CAPZA1: variants seen among roughly 807,000 people sequenced by gnomAD.
CAPZA1 encodes the protein F-actin-capping protein subunit alpha-1.
CAPZA1 carries 10 observed loss-of-function variants against 40.8 expected under a neutral mutation model. The ratio of observed to expected loss-of-function variants is 0.25; its 90% confidence interval spans 0.15 to 0.42. The LOEUF is 0.42. CAPZA1 is among the 10% of genes least tolerant of loss of function. CAPZA1 has a pLI of 1.00. For missense variants in CAPZA1, 277 were observed against 353.8 expected (o/e 0.78, Z 1.74); for synonymous variants, 98 against 115.0 (o/e 0.85, Z 0.95).
intron 2 of CAPZA1, among the ~76,000 whole-genome samples, chr1:112,648,369 T>TG (rs1671322862): frequency 7.6e-6 from 1 of 132,328 alleles, no homozygotes; most frequent in African/African-American, 2.9e-5. Context: ...TTTTTTTTTT[T>TG]GACGGAGTCT....
At chr1:112,656,086 T>A (rs1221868067) in intron 5 of CAPZA1, among the ~76,000 whole-genome samples, 4 of 152,230 alleles carry the variant, frequency 2.6e-5, no homozygotes, top group African/African-American at 9.6e-5. Flanking sequence ...ATTTATCATT[T>A]TTTTGTTGTG....
At chr1:112,622,697 CTTTCAGTAATAAGATA>C (rs773791995) in intron 1 of CAPZA1, among the ~76,000 whole-genome samples, 1 of 152,100 alleles carries the variant, frequency 6.6e-6, no homozygotes, top group Non-Finnish European at 1.5e-5. Flanking sequence ...TTAGACAATG[CTTTCAGTAATAAGATA>C]AAGTTTTCAG....
At chr1:112,659,837 T>TGGCCGGGCGCGG in intron 7 of CAPZA1, 58 bp downstream of exon 7, 7 of 1,370,592 alleles carry the variant, frequency 5.1e-6, no homozygotes, top group Non-Finnish European at 7.2e-6. Flanking sequence ...CATGTGCAGG[T>TGGCCGGGCGCGG]TGCTTTGGTA....
chr1:112,632,185 A>G (rs776083973), intron 1 of CAPZA1, among the ~76,000 whole-genome samples: 6 of 151,972 alleles, frequency 3.9e-5, no homozygotes, highest in Non-Finnish European at 8.8e-5. Context: ...GGCGCCTGTA[A>G]TGATCCCAGC....
chr1:112,664,165 G>A (rs970169566), intron 7 of CAPZA1, among the ~76,000 whole-genome samples: 1 of 150,392 alleles, frequency 6.6e-6, no homozygotes, highest in African/African-American at 2.5e-5. Flanking sequence ...CCAGGAGGCA[G>A]AGGTTGCAGT....
At chr1:112,632,178 G>A (rs1347006252) in intron 1 of CAPZA1, among the ~76,000 whole-genome samples, 9 of 152,076 alleles carry the variant, frequency 5.9e-5, no homozygotes, top group African/African-American at 1.2e-4. Flanking sequence ...GGTGGTGGGC[G>A]CCTGTAATGA....
Position 112,668,628 on chromosome 1 carries a change from G to C in CAPZA1, c.658-915G>C, listed in dbSNP as rs369414836. Among the ~76,000 whole-genome samples, 727 of 152,236 alleles carry C rather than the reference G, an allele frequency of 4.8e-3. 5 individuals are homozygous for C. Among genetic ancestry groups the C allele is most frequent in the Non-Finnish European group, 8.2e-3 (556 of 68,004 alleles). On this transcript the variant is annotated intron_variant, in intron 8 of 9. Transcript: ENST00000263168. ...AGGCTCCCGAGTAGCTGGGATTACA[G>C]GTGTCTGCCACCATGCCCAGCTAAT...
chr1:112,640,156 A>C (rs1315585268), intron 1 of CAPZA1, among the ~76,000 whole-genome samples: 1 of 75,936 alleles, frequency 1.3e-5, no homozygotes, highest in Non-Finnish European at 2.6e-5. Context: ...TCAGCCCCCC[A>C]CCCGGCCAGC....
chr1:112,662,801 G>A (rs1486309129), intron 7 of CAPZA1, among the ~76,000 whole-genome samples: 2 of 152,040 alleles, frequency 1.3e-5, no homozygotes, highest in African/African-American at 4.8e-5. Context: ...CAAACTAATT[G>A]TATAGTCTTT....
chr1:112,666,198 CAT>C (rs1419067903), intron 7 of CAPZA1, among the ~76,000 whole-genome samples: 2 of 152,206 alleles, frequency 1.3e-5, no homozygotes, highest in African/African-American at 4.8e-5. Context: ...CTTTTTTACA[CAT>C]ATTCATATGC....
At chr1:112,659,999 T>C (rs1671573245) in intron 7 of CAPZA1, among the ~76,000 whole-genome samples, 1 of 151,946 alleles carries the variant, frequency 6.6e-6, no homozygotes, top group South Asian at 2.1e-4. Flanking sequence ...GTTATTGTTA[T>C]TTTTCCTTCA....
intron 2 of CAPZA1, among the ~76,000 whole-genome samples, chr1:112,648,848 A>T (rs551788309): frequency 6.6e-6 from 1 of 152,154 alleles, no homozygotes; most frequent in East Asian, 1.9e-4. Flanking sequence ...GTGTAATCCC[A>T]GCTGCTCGGG....
At chr1:112,662,413 T>G (rs1426378770) in intron 7 of CAPZA1, among the ~76,000 whole-genome samples, 2 of 146,730 alleles carry the variant, frequency 1.4e-5, no homozygotes, top group African/African-American at 5.0e-5. Flanking sequence ...TTTTTTTTTT[T>G]TTTGAGACAG....
At chr1:112,646,906 C>A (rs1671290977) in intron 1 of CAPZA1, 1 of 200,970 alleles carries the variant, frequency 5.0e-6, no homozygotes, top group Non-Finnish European at 9.9e-6. Context: ...TGTTCATAAT[C>A]AAGATCATAG....
chr1:112,664,114 C>T (rs977827096), intron 7 of CAPZA1, among the ~76,000 whole-genome samples: 4 of 151,894 alleles, frequency 2.6e-5, no homozygotes, highest in Non-Finnish European at 5.9e-5. Flanking sequence ...CACCTGTAGT[C>T]CCAGCTACGT....
chr1:112,621,270 T>A (rs1670647790), intron 1 of CAPZA1, among the ~76,000 whole-genome samples: 1 of 148,376 alleles, frequency 6.7e-6, no homozygotes, highest in Non-Finnish European at 1.5e-5. Context: ...AAAAATCCTG[T>A]TACAATACAA....
intron 1 of CAPZA1, among the ~76,000 whole-genome samples, chr1:112,638,247 G>A (rs1671060958): frequency 1.3e-5 from 2 of 152,164 alleles, no homozygotes; most frequent in African/African-American, 4.8e-5. Flanking sequence ...CATGAGTGTA[G>A]CTGTAAGTCT....
At chr1:112,658,884 G>A in intron 5 of CAPZA1, 138 bp from the exon 6 acceptor site, 1 of 640,972 alleles carries the variant, frequency 1.6e-6, no homozygotes, top group Non-Finnish European at 2.8e-6. Context: ...CATATCCCAT[G>A]TGCACTATTG....
intron 1 of CAPZA1, among the ~76,000 whole-genome samples, chr1:112,640,216 CG>C (rs1158494019): frequency 1.7e-5 from 2 of 115,944 alleles, no homozygotes; most frequent in African/African-American, 3.4e-5. Flanking sequence ...CCCGGCCAGC[CG>C]CCCCGTCCGG....
Sources: gnomAD v4.1 joint callset for allele counts (sites outside exome capture counted in the v4.1 genomes callset) on GRCh38, gnomAD v4.1.1 for gene constraint, MANE v1.5 for transcripts, NCBI Gene and HGNC (gene_info 2026-07-23, HGNC 2026-07-21) for gene names.